CSGALNACT1: variants seen among roughly 807,000 people sequenced by gnomAD.
CSGALNACT1 encodes the protein beta4GalNAcT-1.
In CSGALNACT1, 52 loss-of-function variants were observed where a neutral mutation model predicts 51.0. That is an observed-to-expected ratio of 1.02 (90% confidence interval 0.82 to 1.29). CSGALNACT1 has a LOEUF of 1.29. Ranked by LOEUF, CSGALNACT1 falls within the 50% of genes most tolerant of loss-of-function variation. The pLI, the probability that CSGALNACT1 is intolerant of heterozygous loss-of-function variation, is 0.00. For synonymous variants in CSGALNACT1, 341 were observed against 254.4 expected, an observed-to-expected ratio of 1.34 and a Z score of -3.24; for missense variants, 935 against 679.2, an observed-to-expected ratio of 1.38 and a Z score of -4.19.
At chr8:19,618,211 T>G (rs1436605286) in intron 1 of CSGALNACT1, among the ~76,000 whole-genome samples, 1 of 152,220 alleles carries the variant, frequency 6.6e-6, no homozygotes, top group Non-Finnish European at 1.5e-5. Flanking sequence ...AGATTTGTAC[T>G]CATTGTTGCT....
At chr8:19,510,543 C>A (rs555715409) in intron 3 of CSGALNACT1, among the ~76,000 whole-genome samples, 32 of 152,212 alleles carry the variant, frequency 2.1e-4, no homozygotes, top group African/African-American at 7.7e-4. Flanking sequence ...GAACCAAGAA[C>A]AAATCCCAGC....
At chr8:19,604,316 G>A (rs1445965311), upstream of CSGALNACT1, among the ~76,000 whole-genome samples, 1 of 152,180 alleles carries the variant, frequency 6.6e-6, no homozygotes. Flanking sequence ...AGGAAGAAAA[G>A]AGAAGGAACA....
intron 4 of CSGALNACT1, among the ~76,000 whole-genome samples, chr8:19,477,464 TAAAC>T (rs1563622774): frequency 6.6e-6 from 1 of 152,302 alleles, no homozygotes; most frequent in African/African-American, 2.4e-5. Flanking sequence ...ATCAAGCAAA[TAAAC>T]AAAGACCCCT....
At chr8:19,405,857 C>T (rs944444905) in exon 10 of CSGALNACT1, 1 of 1,613,964 alleles carries the variant, frequency 6.2e-7, no homozygotes, top group African/African-American at 1.3e-5. Flanking sequence ...ACCAGCATGC[C>T]CAGCTGGCCG....
chr8:19,426,654 C>T (rs1262496180), intron 6 of CSGALNACT1, among the ~76,000 whole-genome samples: 3 of 152,120 alleles, frequency 2.0e-5, no homozygotes, highest in East Asian at 1.9e-4. Flanking sequence ...TTCCATTTCC[C>T]AGTCAATTCC....
chr8:19,741,516 T>C (rs1181885610), intron 1 of CSGALNACT1, among the ~76,000 whole-genome samples: 3 of 146,000 alleles, frequency 2.1e-5, no homozygotes, highest in Non-Finnish European at 3.0e-5. Context: ...TGAGCCGAGA[T>C]TGCACCACTG....
chr8:19,422,924 C>G (rs1055229749), intron 6 of CSGALNACT1, among the ~76,000 whole-genome samples: 1 of 152,186 alleles, frequency 6.6e-6, no homozygotes, highest in Non-Finnish European at 1.5e-5. Context: ...TATATACAGC[C>G]AGTAGCAATT....
chr8:19,589,175 G>A (rs552733096), intron 3 of CSGALNACT1, among the ~76,000 whole-genome samples: 51 of 152,128 alleles, frequency 3.4e-4, no homozygotes, highest in Non-Finnish European at 6.9e-4. Context: ...CAGTAGGCTG[G>A]GTAAAGCAGT....
At chr8:19,407,367 G>A (rs909878411) in intron 9 of CSGALNACT1, among the ~76,000 whole-genome samples, 3 of 152,218 alleles carry the variant, frequency 2.0e-5, no homozygotes, top group South Asian at 2.1e-4. Flanking sequence ...CCAGCAGCTC[G>A]TGGGGAGCCT....
chr8:19,493,871 T>C (rs959063759), intron 4 of CSGALNACT1, among the ~76,000 whole-genome samples: 7 of 149,002 alleles, frequency 4.7e-5, no homozygotes, highest in East Asian at 2.0e-4. Context: ...TGTGTGTTTA[T>C]ACACACACAC....
upstream of CSGALNACT1, among the ~76,000 whole-genome samples, chr8:19,686,252 T>C (rs2060970322): frequency 6.6e-6 from 1 of 152,278 alleles, no homozygotes; most frequent in Admixed American, 6.5e-5. Flanking sequence ...GTGGTCTCCA[T>C]GTCAGCCAGG....
intron 1 of CSGALNACT1, among the ~76,000 whole-genome samples, chr8:19,656,715 A>G (rs1359991159): frequency 6.6e-6 from 1 of 152,158 alleles, no homozygotes; most frequent in Non-Finnish European, 1.5e-5. Flanking sequence ...GTGAGTATGA[A>G]ATAAGAAACT....
chr8:19,680,805 GTA>G (rs1360586976), intron 1 of CSGALNACT1, among the ~76,000 whole-genome samples: 1 of 151,996 alleles, frequency 6.6e-6, no homozygotes, highest in Non-Finnish European at 1.5e-5. Flanking sequence ...TTTTATTTAT[GTA>G]TATGTTTTCA....
At position 19,546,100 on chromosome 8, in the gene CSGALNACT1, C is replaced by T. The variant is rs201994497; in HGVS notation, c.-296-39970G>A. 1.5e-4 allele frequency among the ~76,000 whole-genome samples: 23 copies of T among 151,984 alleles called. No individual in the cohort carries two copies. In the East Asian group the frequency reaches 4.4e-3, roughly 29 times the overall value. ...ACAAGAAGGAAGTTTTATAAGGAAACAAGACTCAATATATTTTACACAGTC... is the reference window on the plus strand; with the variant it reads ...ACAAGAAGGAAGTTTTATAAGGAAATAAGACTCAATATATTTTACACAGTC... On this transcript the variant is annotated intron_variant, in intron 3 of 9. Transcript: ENST00000454498.
intron 3 of CSGALNACT1, among the ~76,000 whole-genome samples, chr8:19,564,666 A>G (rs1407235098): frequency 2.6e-5 from 4 of 152,196 alleles, no homozygotes; most frequent in African/African-American, 7.2e-5. Context: ...ATCAGAATTC[A>G]TCTTAAAATC....
intron 1 of CSGALNACT1, among the ~76,000 whole-genome samples, chr8:19,721,294 GC>G (rs2063116308): frequency 6.6e-6 from 1 of 152,112 alleles, no homozygotes; most frequent in African/African-American, 2.4e-5. Context: ...CAAGTCCCCA[GC>G]CAAGACCTCA....
chr8:19,739,867 T>G (rs1203534903), intron 1 of CSGALNACT1, among the ~76,000 whole-genome samples: 1 of 152,244 alleles, frequency 6.6e-6, no homozygotes, highest in South Asian at 2.1e-4. Context: ...ACTCCTATTT[T>G]GTGTTACCGT....
At chr8:19,412,364 C>T in intron 8 of CSGALNACT1, among the ~76,000 whole-genome samples, 1 of 152,186 alleles carries the variant, frequency 6.6e-6, no homozygotes, top group East Asian at 1.9e-4. Context: ...AAACACAAAG[C>T]ACAAATCAGC....
At chr8:19,538,091 G>A (rs1449693674) in intron 3 of CSGALNACT1, among the ~76,000 whole-genome samples, 1 of 152,158 alleles carries the variant, frequency 6.6e-6, no homozygotes, top group Non-Finnish European at 1.5e-5. Flanking sequence ...GCTGAGGCAG[G>A]AGGATGCTTG....
Sources: gnomAD v4.1 joint callset for allele counts (sites outside exome capture counted in the v4.1 genomes callset) on GRCh38, gnomAD v4.1.1 for gene constraint, MANE v1.5 for transcripts, NCBI Gene and HGNC (gene_info 2026-07-23, HGNC 2026-07-21) for gene names.